The following KIF1B variants were observed in gnomAD, a reference collection of about 807,000 sequenced individuals.
KIF1B encodes the protein kinesin-like protein KIF1B.
A neutral mutation model predicts 241.9 loss-of-function variants in KIF1B; 76 were observed. The observed-to-expected ratio is 0.31, with a 90% confidence interval of 0.26 to 0.38. KIF1B has a LOEUF of 0.38. Among genes scored for constraint, KIF1B ranks in the 10% least tolerant of loss-of-function variants. The pLI, the probability that KIF1B is intolerant of heterozygous loss-of-function variation, is 1.00. For missense variants in KIF1B, 1,622 were observed against 2,271.4 expected (o/e 0.71, Z 5.81); for synonymous variants, 750 against 796.7 (o/e 0.94, Z 0.99).
intron 28 of KIF1B, among the ~76,000 whole-genome samples, chr1:10,335,762 T>C (rs1039126946): frequency 6.6e-6 from 1 of 151,778 alleles, no homozygotes; most frequent in Non-Finnish European, 1.5e-5. Context: ...CTTGGGAGGC[T>C]GAGGCAGGAT....
In KIF1B at chr1:10,365,718, A is replaced by G; in HGVS notation, c.4752+70A>G. 1.3e-6 allele frequency: 2 copies of G among 1,597,674 alleles called. No homozygotes were observed. The highest frequency in any genetic ancestry group is 2.2e-5 in the South Asian group (2 of 90,554). Reference sequence around the variant, plus strand: ...CACAAACTAGCCTCTCGGTTTATTCATTTTCAACACCTTTGTTCGAGGTGT... The same window carrying G: ...CACAAACTAGCCTCTCGGTTTATTCGTTTTCAACACCTTTGTTCGAGGTGT... On this transcript the variant is annotated intron_variant, in intron 43 of 48. Coordinates refer to ENST00000676179, the MANE Select transcript of KIF1B (RefSeq NM_001365951.3). The surrounding 1 kb of genome is among the most constrained non-coding windows in gnomAD (Gnocchi z 4.0).
intron 2 of KIF1B, among the ~76,000 whole-genome samples, chr1:10,252,812 C>G (rs568604626): frequency 6.6e-6 from 1 of 151,914 alleles, no homozygotes; most frequent in Non-Finnish European, 1.5e-5. Context: ...CTCCACCTCT[C>G]GGGTTCAAGC....
intron 48 of KIF1B, 139 bp from the exon 49 acceptor site, chr1:10,376,406 G>A: frequency 1.2e-6 from 1 of 821,348 alleles, no homozygotes; most frequent in Admixed American, 1.7e-5. Flanking sequence ...CAGGGTCCCG[G>A]AGTAGACGGC....
chr1:10,259,878 G>A (rs185970010), intron 4 of KIF1B, among the ~76,000 whole-genome samples: 1 of 151,976 alleles, frequency 6.6e-6, no homozygotes, highest in East Asian at 1.9e-4. Flanking sequence ...TCCATCCTGG[G>A]CTTGGGATGA....
chr1:10,254,954 T>C (rs1647692060), intron 2 of KIF1B, among the ~76,000 whole-genome samples: 2 of 151,252 alleles, frequency 1.3e-5, no homozygotes, highest in African/African-American at 4.9e-5. Context: ...TTTTCATTTC[T>C]CTTTTTTTTC....
chr1:10,350,457 G>C (rs964652667), intron 37 of KIF1B, among the ~76,000 whole-genome samples: 4 of 135,416 alleles, frequency 3.0e-5, no homozygotes, highest in African/African-American at 1.2e-4. Context: ...CTGCTCGGGA[G>C]GCTGAGGCAG....
chr1:10,257,527 C>T (rs1425193173), intron 3 of KIF1B, among the ~76,000 whole-genome samples: 1 of 151,730 alleles, frequency 6.6e-6, no homozygotes, highest in East Asian at 1.9e-4. Context: ...CAAAAGATTA[C>T]CAGTATTACG....
chr1:10,277,848 G>T, intron 12 of KIF1B, 138 bp from the exon 13 acceptor site: 1 of 764,712 alleles, frequency 1.3e-6, no homozygotes, highest in South Asian at 1.7e-5. Context: ...GTACTATAAA[G>T]CTTTATACAA....
chr1:10,291,192 A>G (rs1168848355), intron 16 of KIF1B, 31 bp downstream of exon 16: 3 of 1,434,616 alleles, frequency 2.1e-6, no homozygotes, highest in Non-Finnish European at 2.9e-6. Context: ...AAATGTTTCT[A>G]AGTTTTCTAG....
intron 22 of KIF1B, among the ~76,000 whole-genome samples, chr1:10,301,621 G>A (rs34215045): frequency 0.24 from 36,607 of 151,838 alleles, 5,026 homozygotes; most frequent in Admixed American, 0.31. Context: ...AGCCGAGATC[G>A]GGCACTCCAG....
chr1:10,335,672 T>G (rs1652140522), intron 28 of KIF1B, among the ~76,000 whole-genome samples: 1 of 151,980 alleles, frequency 6.6e-6, no homozygotes, highest in Admixed American at 6.6e-5. Flanking sequence ...TAATAGACAT[T>G]TGTTTGGCTG....
At chr1:10,372,460 C>T (rs142528683) in intron 45 of KIF1B, among the ~76,000 whole-genome samples, 304 of 151,602 alleles carry the variant, frequency 2.0e-3, no homozygotes, top group Non-Finnish European at 3.7e-3. Context: ...TGCTTGAGCC[C>T]GGGAGGTTGA....
At position 10,273,014 on chromosome 1, in the gene KIF1B, G is replaced by C. The variant is rs1404641113; in HGVS notation, c.865G>C (p.Asp289His). The change falls in exon 10 of 49, where the codon GAT becomes CAT. Residue 289 changes from aspartate (D) to histidine (H), a missense_variant and splice_region_variant. Asp to His is a moderately conservative substitution (Grantham distance 81). Transcript: ENST00000676179. ...GKVISALAEVDNCTSKSKKKK... is the reference protein window; with the variant it reads ...GKVISALAEVHNCTSKSKKKK... ...CTCCTTTAAATGCTTTCACCTGTAGGATAACTGCACTAGCAAGGTACAGTG... is the reference window on the plus strand; with the variant it reads ...CTCCTTTAAATGCTTTCACCTGTAGCATAACTGCACTAGCAAGGTACAGTG... 4 of 1,546,306 alleles carry C rather than the reference G, an allele frequency of 2.6e-6. No homozygotes were observed. Among genetic ancestry groups the C allele is most frequent in the Non-Finnish European group, 3.5e-6 (4 of 1,143,464 alleles).
chr1:10,347,825 C>A lies in KIF1B; in HGVS notation c.3862C>A (p.Gln1288Lys). ...TTGCCAGGGGACATTTTTGCTTCATCAGGTACTAATGAGGGACCAAAACAG... is the reference window on the plus strand; with the variant it reads ...TTGCCAGGGGACATTTTTGCTTCATAAGGTACTAATGAGGGACCAAAACAG... ...LPCQGTFLLHQGIQRRITVTI... is the reference protein window; with the variant it reads ...LPCQGTFLLHKGIQRRITVTI... The change falls in exon 36 of 49, where the codon CAG (glutamine) becomes AAG (lysine). Residue 1288 changes from glutamine to lysine, a missense_variant and splice_region_variant. Gln to Lys is a moderately conservative substitution (Grantham distance 53). Around this residue, in one of 7 missense-constraint regions of KIF1B, gnomAD observed 803 missense variants for 1,112.0 expected, o/e 0.72. Coordinates refer to ENST00000676179, the MANE Select transcript of KIF1B (RefSeq NM_001365951.3). The A allele has an allele frequency of 6.2e-7, 1 of 1,611,784 alleles. No homozygotes were observed. The highest frequency in any genetic ancestry group is 1.1e-5 in the South Asian group (1 of 91,030).
chr1:10,318,450 G>T (rs549113385), intron 22 of KIF1B, among the ~76,000 whole-genome samples: 1 of 151,494 alleles, frequency 6.6e-6, no homozygotes, highest in African/African-American at 2.4e-5. Context: ...GGCTGGGTGC[G>T]GTGGCTCACG....
At chr1:10,332,534 G>A (rs1253238785) in intron 27 of KIF1B, among the ~76,000 whole-genome samples, 1 of 36,802 alleles carries the variant, frequency 2.7e-5, no homozygotes, top group Non-Finnish European at 4.9e-5. Context: ...TTTTTTTTTT[G>A]AGACGGAGTC....
intron 5 of KIF1B, among the ~76,000 whole-genome samples, chr1:10,262,197 T>G (rs1648190259): frequency 6.6e-6 from 1 of 152,142 alleles, no homozygotes; most frequent in Admixed American, 6.6e-5. Context: ...GCCCAGGCCC[T>G]GGAGTGCAGT....
At chr1:10,253,015 G>A (rs1647553919) in intron 2 of KIF1B, among the ~76,000 whole-genome samples, 1 of 152,172 alleles carries the variant, frequency 6.6e-6, no homozygotes. Flanking sequence ...GTGAGCCACT[G>A]TGCCTGGCCA....
chr1:10,212,600 G>T (rs1318427872), intron 1 of KIF1B, among the ~76,000 whole-genome samples: 2 of 152,108 alleles, frequency 1.3e-5, no homozygotes, highest in Non-Finnish European at 2.9e-5. Context: ...AAAAAATTTT[G>T]GGATGGGTGT....
Sources: gnomAD v4.1 joint callset for allele counts (sites outside exome capture counted in the v4.1 genomes callset) on GRCh38, gnomAD v4.1.1 for gene constraint, gnomAD v4.1.1 regional missense constraint, Gnocchi (gnomAD v3.1) non-coding constraint, MANE v1.5 for transcripts, NCBI Gene and HGNC (gene_info 2026-07-23, HGNC 2026-07-21) for gene names.